The following DLGAP2 variants were observed in gnomAD, a reference collection of about 807,000 sequenced individuals.
DLGAP2 encodes DLG associated protein 2, also known as disks large-associated protein 2.
Under a neutral mutation model 100.3 loss-of-function variants are expected in DLGAP2, and 26 were observed. The observed-to-expected ratio is 0.26, with a 90% confidence interval of 0.19 to 0.36. The LOEUF is 0.36. Among genes scored for constraint, DLGAP2 ranks in the 10% least tolerant of loss-of-function variants. The pLI is 1.00. For missense variants in DLGAP2, 1,858 were observed against 1,453.2 expected (o/e 1.28, Z -4.53); for synonymous variants, 886 against 630.1 (o/e 1.41, Z -6.08).
chr8:1,447,413 T>G (rs376701820), intron 3 of DLGAP2, among the ~76,000 whole-genome samples: 4 of 152,338 alleles, frequency 2.6e-5, no homozygotes, highest in South Asian at 2.1e-4. Flanking sequence ...TGTTGAACCA[T>G]CCTTGCATCC....
chr8:1,553,393 C>T (rs112042978), intron 5 of DLGAP2, among the ~76,000 whole-genome samples: 2,140 of 152,304 alleles, frequency 0.014, 40 homozygotes, highest in African/African-American at 0.048. Context: ...TCGGCATGTT[C>T]ACGGGCAGCA....
intron 1 of DLGAP2, among the ~76,000 whole-genome samples, chr8:877,025 C>T (rs1230380195): frequency 1.3e-5 from 2 of 148,406 alleles, no homozygotes; most frequent in African/African-American, 5.0e-5. Context: ...TTTTTTGCAA[C>T]ATTCTTCTAC....
chr8:778,396 C>T (rs1483749603), intron 1 of DLGAP2, among the ~76,000 whole-genome samples: 2 of 152,338 alleles, frequency 1.3e-5, no homozygotes, highest in African/African-American at 4.8e-5. Flanking sequence ...TGAGGAACTG[C>T]GTTCCGTTGG....
chr8:1,066,318 G>A (rs796362918), intron 2 of DLGAP2, among the ~76,000 whole-genome samples: 4 of 150,910 alleles, frequency 2.7e-5, no homozygotes, highest in African/African-American at 9.7e-5. Context: ...TCCCCACCAT[G>A]GGCAGGTCTG....
At chr8:1,283,681 C>G (rs903063429) in intron 3 of DLGAP2, among the ~76,000 whole-genome samples, 10 of 152,220 alleles carry the variant, frequency 6.6e-5, no homozygotes, top group Non-Finnish European at 1.3e-4. Flanking sequence ...TGTCACCTAA[C>G]AAGCATTTTG....
At chr8:1,600,491 C>T (rs576941103) in intron 6 of DLGAP2, among the ~76,000 whole-genome samples, 18 of 152,258 alleles carry the variant, frequency 1.2e-4, no homozygotes, top group East Asian at 7.7e-4. Context: ...CCATTCTCCC[C>T]GTCACTTTCA....
chr8:1,626,692 G>A, intron 6 of DLGAP2, 48 bp from the exon 7 acceptor site: 2 of 1,557,330 alleles, frequency 1.3e-6, no homozygotes, highest in Middle Eastern at 1.7e-4. Flanking sequence ...CCTCTGCCCT[G>A]CAGCGGGTGC....
chr8:1,167,578 T>C (rs1337459959), intron 2 of DLGAP2, among the ~76,000 whole-genome samples: 1 of 152,190 alleles, frequency 6.6e-6, no homozygotes, highest in East Asian at 1.9e-4. Context: ...TGATCATAAG[T>C]GGCCCACATT....
chr8:1,284,484 T>C (rs1799883468), intron 3 of DLGAP2, among the ~76,000 whole-genome samples: 2 of 152,204 alleles, frequency 1.3e-5, no homozygotes, highest in African/African-American at 4.8e-5. Flanking sequence ...GAGGATTTGC[T>C]GCATGACAAG....
intron 1 of DLGAP2, among the ~76,000 whole-genome samples, chr8:815,507 T>C (rs1213728286): frequency 6.6e-6 from 1 of 152,218 alleles, no homozygotes; most frequent in Non-Finnish European, 1.5e-5. Context: ...GATGGATACG[T>C]TGTATCACCT....
intron 1 of DLGAP2, among the ~76,000 whole-genome samples, chr8:796,592 C>A (rs1563035599): frequency 6.6e-6 from 1 of 152,160 alleles, no homozygotes; most frequent in African/African-American, 2.4e-5. Flanking sequence ...TGGATTCCTC[C>A]TCTGCAGCCT....
intron 1 of DLGAP2, among the ~76,000 whole-genome samples, chr8:768,195 G>C (rs1290766715): frequency 6.6e-6 from 1 of 152,116 alleles, no homozygotes; most frequent in Non-Finnish European, 1.5e-5. Context: ...GTCTGAGGGA[G>C]GCCGGGGAGG....
chr8:1,362,266 GC>G (rs1293464347), intron 3 of DLGAP2, among the ~76,000 whole-genome samples: 18 of 152,062 alleles, frequency 1.2e-4, no homozygotes, highest in African/African-American at 4.4e-4. Flanking sequence ...TCCACTCAGG[GC>G]CAGGCAGGTA....
chr8:1,553,929 C>T (rs186278675), intron 5 of DLGAP2, among the ~76,000 whole-genome samples: 7 of 152,334 alleles, frequency 4.6e-5, no homozygotes, highest in African/African-American at 1.7e-4. Context: ...TTAGAAAAAT[C>T]ATCCATCTTT....
chr8:1,681,412 T>C, intron 12 of DLGAP2, among the ~76,000 whole-genome samples: 1 of 152,126 alleles, frequency 6.6e-6, no homozygotes, highest in East Asian at 1.9e-4. Flanking sequence ...GCGGGAGGAC[T>C]GCTTGTGCCC....
chr8:1,623,565 T>C (rs1180379546), intron 6 of DLGAP2, among the ~76,000 whole-genome samples: 11 of 149,934 alleles, frequency 7.3e-5, no homozygotes, highest in African/African-American at 1.2e-4. Context: ...CTGGCACCAG[T>C]GCGTGATGAC....
chr8:868,361 A>T (rs1797535857), intron 1 of DLGAP2, among the ~76,000 whole-genome samples: 1 of 152,146 alleles, frequency 6.6e-6, no homozygotes, highest in African/African-American at 2.4e-5. Context: ...TTACAAGGTC[A>T]CCTAGCACCT....
chr8:1,670,631 G>C (rs1798667900), intron 10 of DLGAP2, among the ~76,000 whole-genome samples: 2 of 152,228 alleles, frequency 1.3e-5, no homozygotes, highest in African/African-American at 4.8e-5. Context: ...GCTGGGTGAG[G>C]ATGGATGCAA....
intron 8 of DLGAP2, among the ~76,000 whole-genome samples, chr8:1,647,145 C>G (rs1798058029): frequency 6.6e-6 from 1 of 152,170 alleles, no homozygotes; most frequent in East Asian, 1.9e-4. Context: ...TGCAGTGAGA[C>G]TAGTGCAGAC....
Sources: gnomAD v4.1 joint callset for allele counts (sites outside exome capture counted in the v4.1 genomes callset) on GRCh38, gnomAD v4.1.1 for gene constraint, MANE v1.5 for transcripts, NCBI Gene and HGNC (gene_info 2026-07-23, HGNC 2026-07-21) for gene names.